The following POLR1H variants were observed in gnomAD, a reference collection of about 807,000 sequenced individuals.
POLR1H encodes the protein DNA-directed RNA polymerase I subunit RPA12.
A neutral mutation model predicts 15.8 loss-of-function variants in POLR1H; 5 were observed. The observed-to-expected ratio is 0.32, with a 90% confidence interval of 0.17 to 0.67. The LOEUF is 0.67. POLR1H is among the 30% of genes least tolerant of loss of function. The pLI is 0.74. For missense variants in POLR1H, 100 were observed against 163.4 expected, an observed-to-expected ratio of 0.61 and a Z score of 2.11; for synonymous variants, 43 against 58.3, an observed-to-expected ratio of 0.74 and a Z score of 1.20.
At chr6:30,064,479 A>G (rs1266165437) in intron 3 of POLR1H, among the ~76,000 whole-genome samples, 194 bp from the exon 4 acceptor site, 1 of 151,934 alleles carries the variant, frequency 6.6e-6, no homozygotes, top group African/African-American at 2.4e-5. Flanking sequence ...TGAGGTTATA[A>G]CTCATTGGAT....
At chr6:30,062,795 C>T (rs1486836188) in intron 3 of POLR1H, among the ~76,000 whole-genome samples, 1 of 126,918 alleles carries the variant, frequency 7.9e-6, no homozygotes, top group Admixed American at 9.7e-5. Flanking sequence ...TGGTCTTGAA[C>T]TTCTGAGCTC....
Position 30,061,456 on chromosome 6 carries a change from G to A in POLR1H, c.-69G>A. 3.8e-6 allele frequency: 6 copies of A among 1,563,372 alleles called. No individual in the cohort carries two copies. The highest frequency in any genetic ancestry group is 1.2e-5 in the South Asian group (1 of 86,442). On this transcript the variant is annotated 5_prime_UTR_variant, in exon 1 of 4. Coordinates refer to ENST00000332435, the MANE Select transcript of POLR1H (RefSeq NM_170783.4). This position sits in a 1 kb window ranked among gnomAD's most constrained non-coding sequence, Gnocchi z 5.0. ...CTAGGTCCTGGGACAGAATAGTTAC[G>A]ACCTCTGGGACAGGAACTCTTCTCT...
Position 30,061,746 on chromosome 6 carries a change from G to C in POLR1H, c.145+77G>C. 2 of 1,597,976 alleles carry C rather than the reference G, an allele frequency of 1.3e-6. No individual in the cohort carries two copies. The highest frequency in any genetic ancestry group is 1.7e-6 in the Non-Finnish European group (2 of 1,169,374). Reference sequence around the variant, plus strand: ...TGGGGAACTCAAGATCGGTTGGGTTGAGGAGGGGATCCTAGAGCAGGACAT... The same window carrying C: ...TGGGGAACTCAAGATCGGTTGGGTTCAGGAGGGGATCCTAGAGCAGGACAT... On this transcript the variant is annotated intron_variant, in intron 1 of 3. Coordinates refer to ENST00000332435, the MANE Select transcript of POLR1H (RefSeq NM_170783.4). This position sits in a 1 kb window ranked among gnomAD's most constrained non-coding sequence, Gnocchi z 5.0.
In POLR1H at chr6:30,062,906, A is replaced by T. The variant is rs1254736173; in HGVS notation, c.356+573A>T. ...GATATTTAAAAGGAAATGAAGAAAA[A>T]AAAAACAACATAAGAAGCAGGTATT... On this transcript the variant is annotated intron_variant, in intron 3 of 3. Coordinates refer to ENST00000332435, the MANE Select transcript of POLR1H (RefSeq NM_170783.4). Among the ~76,000 whole-genome samples, 4 of 151,194 alleles carry T rather than the reference A, an allele frequency of 2.6e-5. 1 individual carries two copies. Among genetic ancestry groups the T allele is most frequent in the Non-Finnish European group, 5.9e-5 (4 of 67,782 alleles).
rs1204923959 is a variant in POLR1H at position 30,064,659 on chromosome 6, T to C, written c.357-14T>C. 1 of 1,606,662 alleles carries C rather than the reference T, an allele frequency of 6.2e-7. No individual in the cohort carries two copies. Among genetic ancestry groups the C allele is most frequent in the Admixed American group, 1.7e-5 (1 of 59,062 alleles). ...TCTTTTGGTGAATATAACAAGTCCTTTCTTTCCTCATAGGTTCCAGGAGAA... is the reference window on the plus strand; with the variant it reads ...TCTTTTGGTGAATATAACAAGTCCTCTCTTTCCTCATAGGTTCCAGGAGAA... On this transcript the variant is annotated splice_polypyrimidine_tract_variant and intron_variant, in intron 3 of 3. Coordinates refer to ENST00000332435, the MANE Select transcript of POLR1H (RefSeq NM_170783.4).
At position 30,061,733 on chromosome 6, in the gene POLR1H, G is replaced by T; in HGVS notation, c.145+64G>T. On this transcript the variant is annotated intron_variant, in intron 1 of 3. Transcript: ENST00000332435. This position sits in a 1 kb window ranked among gnomAD's most constrained non-coding sequence, Gnocchi z 5.0. The stretch of plus-strand genomic sequence containing the variant: ...AGGGTCGGAAGCTTGGGGAACTCAA[G>T]ATCGGTTGGGTTGAGGAGGGGATCC... 6.2e-7 allele frequency: 1 copy of T among 1,605,978 alleles called. No individual in the cohort carries two copies. The highest frequency in any genetic ancestry group is 1.3e-5 in the African/African-American group (1 of 74,902).
intron 3 of POLR1H, 43 bp from the exon 4 acceptor site, chr6:30,064,630 C>T: frequency 6.3e-7 from 1 of 1,582,134 alleles, no homozygotes; most frequent in Non-Finnish European, 8.6e-7. Context: ...CTACTAGAAA[C>T]TCATCTTTTG....
rs371737310 is a variant in POLR1H, at chr6:30,062,969, G to A, written c.356+636G>A. Among the ~76,000 whole-genome samples the A allele has an allele frequency of 2.8e-4, 42 of 151,476 alleles. 1 individual carries two copies. The East Asian group carries it at 3.5e-3, about 13-fold the overall frequency. On this transcript the variant is annotated intron_variant, in intron 3 of 3. Coordinates refer to ENST00000332435, the MANE Select transcript of POLR1H (RefSeq NM_170783.4). ...GCATCTTATACTGCAGTCTTCAACC[G>A]CAGTCAAGGTAGCTTTCTTTGGAGA... is the stretch of plus-strand genomic sequence containing the variant.
chr6:30,061,811 G>T lies in POLR1H; in HGVS notation c.146-106G>T. 6.4e-7 allele frequency: 1 copy of T among 1,550,958 alleles called. No individual in the cohort carries two copies. The highest frequency in any genetic ancestry group is 1.4e-5 in the African/African-American group (1 of 73,514). On this transcript the variant is annotated intron_variant, in intron 1 of 3. Coordinates refer to ENST00000332435, the MANE Select transcript of POLR1H (RefSeq NM_170783.4). This position sits in a 1 kb window ranked among gnomAD's most constrained non-coding sequence, Gnocchi z 5.0. ...TTTGGTCTAGCGATGAAAACTGAGG[G>T]AAAGGATGTAGGGCCTCCTGGCCTA...
chr6:30,062,227 G>C lies in POLR1H; in HGVS notation c.250G>C (p.Asp84His). Residue 84 changes from aspartate (D) to histidine (H), a missense_variant, in exon 3 of 4, where the codon GAC becomes CAC. Around this residue, in one of 2 missense-constraint regions of POLR1H, gnomAD observed 87 missense variants for 119.8 expected, o/e 0.73. Coordinates refer to ENST00000332435, the MANE Select transcript of POLR1H (RefSeq NM_170783.4). ...EGPECQGPVV[D>H]RRCPRCGHEG... ...TAACCCACCAGTTTCTTCCCAGGTT[G>C]ACAGGCGCTGCCCTCGATGTGGTCA... 1 of 1,612,758 alleles carries C rather than the reference G, an allele frequency of 6.2e-7. No individual in the cohort carries two copies. Among genetic ancestry groups the C allele is most frequent in the East Asian group, 2.2e-5 (1 of 44,874 alleles).
At chr6:30,062,103 G>A in intron 2 of POLR1H, 86 bp downstream of exon 2, 1 of 1,471,720 alleles carries the variant, frequency 6.8e-7, no homozygotes, top group Non-Finnish European at 9.5e-7. Context: ...AGAGTTTTGT[G>A]CCCAATTCCA....
In POLR1H at chr6:30,061,971, C is replaced by T. The variant is rs568420351; in HGVS notation, c.200C>T (p.Ala67Val). 1.4e-5 allele frequency: 23 copies of T among 1,613,058 alleles called. No homozygotes were observed. In the South Asian group the frequency reaches 2.5e-4, roughly 18 times the overall value. Residue 67 changes from alanine (A) to valine (V), a missense_variant, in exon 2 of 4, where the codon GCC becomes GTC. Coordinates refer to ENST00000332435, the MANE Select transcript of POLR1H (RefSeq NM_170783.4). This position sits in a 1 kb window ranked among gnomAD's most constrained non-coding sequence, Gnocchi z 5.0. Reference sequence around the variant, plus strand: ...GTTGTGTTCCACCAACTGGGGACAGCCATGCCTATGTCGGTGGAGGAAGGG... The same window carrying T: ...GTTGTGTTCCACCAACTGGGGACAGTCATGCCTATGTCGGTGGAGGAAGGG... Reference protein sequence around the residue: ...TSVVFHQLGTAMPMSVEEGPE... With the variant: ...TSVVFHQLGTVMPMSVEEGPE...
chr6:30,062,714 CTTTTTTTTTTTTTTTT>C (rs9278555), intron 3 of POLR1H, among the ~76,000 whole-genome samples: 6,536 of 42,804 alleles, frequency 0.15, 332 homozygotes, highest in Admixed American at 0.23. Flanking sequence ...CCACGCCTGG[CTTTTTTTTTTTTTTTT>C]TTTTTTTTTT....
rs1284767938 is a variant in POLR1H at position 30,061,676 on chromosome 6, G to A, written c.145+7G>A. On this transcript the variant is annotated splice_region_variant and intron_variant, in intron 1 of 3. Coordinates refer to ENST00000332435, the MANE Select transcript of POLR1H (RefSeq NM_170783.4). This position sits in a 1 kb window ranked among gnomAD's most constrained non-coding sequence, Gnocchi z 5.0. ...TTCAACATCAACGTTCGGGGTGAGA[G>A]GCTTGTACGCAGGGGTCCTGGCGGA... 1 of 1,612,956 alleles carries A rather than the reference G, an allele frequency of 6.2e-7. No individual in the cohort carries two copies. Among genetic ancestry groups the A allele is most frequent in the African/African-American group, 1.3e-5 (1 of 75,048 alleles).
At position 30,061,592 on chromosome 6, in the gene POLR1H, G is replaced by A. The variant is rs1561959788; in HGVS notation, c.68G>A (p.Cys23Tyr). 3 of 1,613,064 alleles carry A rather than the reference G, an allele frequency of 1.9e-6. No individual in the cohort carries two copies. The highest frequency in any genetic ancestry group is 2.5e-6 in the Non-Finnish European group (3 of 1,180,032). ...TCGGACCTGGATTTCTGTTCAGATT[G>A]CGGCTCGGTCCTGCCTCTGCCCGGG... ...FQSDLDFCSD[C>Y]GSVLPLPGAQ... is the part of the protein sequence containing the mutation. Residue 23 changes from cysteine to tyrosine, a missense_variant, in exon 1 of 4, where the codon TGC becomes TAC. Transcript: ENST00000332435. This position sits in a 1 kb window ranked among gnomAD's most constrained non-coding sequence, Gnocchi z 5.0.
intron 3 of POLR1H, 71 bp from the exon 4 acceptor site, chr6:30,064,602 T>G: frequency 7.1e-7 from 1 of 1,401,082 alleles, no homozygotes; most frequent in Non-Finnish European, 9.9e-7. Context: ...ATTATTTGAT[T>G]GCATATCTTA....
chr6:30,064,305 ATTT>A lies in POLR1H; in HGVS notation c.357-362_357-360del, dbSNP rs199991816. On this transcript the variant is annotated intron_variant, in intron 3 of 3. Coordinates refer to ENST00000332435, the MANE Select transcript of POLR1H (RefSeq NM_170783.4). ...TTGTCATTTTACCAAAAAAAAAAAA[ATTT>A]TTTTTAAATAAAAAGAAGATTTTTT... is the stretch of plus-strand genomic sequence containing the variant. Among the ~76,000 whole-genome samples the A allele has an allele frequency of 2.4e-4, 36 of 151,100 alleles. No homozygotes were observed. In the East Asian group the frequency reaches 3.5e-3, roughly 15 times the overall value.
upstream of POLR1H, chr6:30,060,902 C>G (rs781108594): frequency 1.3e-5 from 2 of 152,318 alleles, no homozygotes; most frequent in Admixed American, 1.3e-4. Flanking sequence ...GAAATACCGG[C>G]TCAGGACCCA....
chr6:30,061,672 G>A lies in POLR1H; in HGVS notation c.145+3G>A, dbSNP rs1445271817. ...TGGCTTCAACATCAACGTTCGGGGTGAGAGGCTTGTACGCAGGGGTCCTGG... is the reference window on the plus strand; with the variant it reads ...TGGCTTCAACATCAACGTTCGGGGTAAGAGGCTTGTACGCAGGGGTCCTGG... On this transcript the variant is annotated splice_donor_region_variant and intron_variant, in intron 1 of 3. Transcript: ENST00000332435. The surrounding 1 kb of genome is among the most constrained non-coding windows in gnomAD (Gnocchi z 5.0). 5.6e-6 allele frequency: 9 copies of A among 1,613,012 alleles called. No individual in the cohort carries two copies. The highest frequency in any genetic ancestry group is 7.6e-6 in the Non-Finnish European group (9 of 1,180,016).
Sources: gnomAD v4.1 joint callset for allele counts (sites outside exome capture counted in the v4.1 genomes callset) on GRCh38, gnomAD v4.1.1 for gene constraint, gnomAD v4.1.1 regional missense constraint, Gnocchi (gnomAD v3.1) non-coding constraint, MANE v1.5 for transcripts, NCBI Gene and HGNC (gene_info 2026-07-23, HGNC 2026-07-21) for gene names.